FAT4: variants seen among roughly 807,000 people sequenced by gnomAD.
FAT4 encodes FAT atypical cadherin 4, also known as protocadherin Fat 4.
A neutral mutation model predicts 303.9 loss-of-function variants in FAT4; 84 were observed. The observed-to-expected ratio is 0.28, with a 90% CI of 0.23 to 0.33. The LOEUF is 0.33. Among genes scored for constraint, FAT4 ranks in the 10% least tolerant of loss-of-function variants. FAT4 has a pLI of 1.00. For synonymous variants in FAT4, 2,307 were observed against 2,298.8 expected (o/e 1.00, Z -0.10); for missense variants, 6,005 against 6,146.8 (o/e 0.98, Z 0.77).
intron 7 of FAT4, among the ~76,000 whole-genome samples, chr4:125,417,176 G>A (rs1735109884): frequency 6.6e-6 from 1 of 152,006 alleles, no homozygotes; most frequent in South Asian, 2.1e-4. Context: ...ATGAATTGTT[G>A]CCCTATAAGC....
At chr4:125,483,342 G>A (rs1727294202) in intron 16 of FAT4, among the ~76,000 whole-genome samples, 1 of 152,132 alleles carries the variant, frequency 6.6e-6, no homozygotes, top group South Asian at 2.1e-4. Flanking sequence ...ATTTTATATG[G>A]TTTGAGAGGC....
At chr4:125,380,128 G>A (rs1162195344) in intron 2 of FAT4, among the ~76,000 whole-genome samples, 2 of 151,918 alleles carry the variant, frequency 1.3e-5, no homozygotes, top group Non-Finnish European at 2.9e-5. Flanking sequence ...CCCAACATCA[G>A]GTGATCCACC....
At position 125,450,892 on chromosome 4, in the gene FAT4, T is replaced by C. The variant is rs1726038652; in HGVS notation, c.9882T>C (p.Asn3294=). Residue 3294 remains asparagine (N), a synonymous_variant, in exon 10 of 18, where the codon AAT becomes AAC. Transcript: ENST00000394329. The part of the protein sequence containing the change: ...ATVNIQLKGT[N]EYVPRFVSKL... ...TTAATATACAATTAAAAGGGACAAA[T>C]GAATATGTGCCCCGTTTTGTTTCCA... The C allele has an allele frequency of 6.2e-7, 1 of 1,614,098 alleles. No individual in the cohort carries two copies. Among genetic ancestry groups the C allele is most frequent in the East Asian group, 2.2e-5 (1 of 44,860 alleles).
rs1560754491 is a variant in FAT4, at chr4:125,318,866, A to T, written c.2455A>T (p.Thr819Ser). The T allele has an allele frequency of 6.2e-7, 1 of 1,614,136 alleles. No individual in the cohort carries two copies. The highest frequency in any genetic ancestry group is 8.5e-7 in the Non-Finnish European group (1 of 1,180,024). ...GYHVGSVSASTMDLNSNISYL... is the reference protein window; with the variant it reads ...GYHVGSVSASSMDLNSNISYL... ...TCATGTGGGTAGTGTGTCTGCATCC[A>T]CCATGGATCTCAATTCCAACATCAG... The change falls in exon 2 of 18, where the codon ACC (threonine) becomes TCC (serine). Residue 819 changes from threonine (T) to serine (S), a missense_variant. By Grantham distance (58) the Thr-to-Ser change is moderately conservative. Coordinates refer to ENST00000394329, the MANE Select transcript of FAT4 (RefSeq NM_001291303.3).
intron 2 of FAT4, among the ~76,000 whole-genome samples, chr4:125,376,669 A>C (rs2663267): frequency 0.048 from 7,274 of 152,110 alleles, 557 homozygotes; most frequent in African/African-American, 0.16. Context: ...GGAGGCTGAG[A>C]TAGGCGGATC....
Position 125,490,075 on chromosome 4 carries a change from A to G in FAT4, c.13259A>G (p.Gln4420Arg). 2 of 1,614,020 alleles carry G rather than the reference A, an allele frequency of 1.2e-6. No homozygotes were observed. The highest frequency in any genetic ancestry group is 1.7e-6 in the Non-Finnish European group (2 of 1,179,994). ...TGGGGTGATTTGCTGTGCATTAATC[A>G]GTGGTATGCCTACAGGTGTGTCCCT... ...PCWGDLLCIN[Q>R]WYAYRCVPPG... The change falls in exon 18 of 18, where the codon CAG becomes CGG. Residue 4420 changes from glutamine (Q) to arginine (R), a missense_variant. Gln to Arg is a conservative substitution (Grantham distance 43, BLOSUM62 1). Transcript: ENST00000394329.
At chr4:125,377,391 T>C (rs1733373642) in intron 2 of FAT4, among the ~76,000 whole-genome samples, 1 of 152,160 alleles carries the variant, frequency 6.6e-6, no homozygotes, top group Non-Finnish European at 1.5e-5. Context: ...ATGTACAGTT[T>C]CCAACTCTGA....
At chr4:125,424,578 T>G (rs1479562292) in intron 7 of FAT4, among the ~76,000 whole-genome samples, 3 of 152,184 alleles carry the variant, frequency 2.0e-5, no homozygotes, top group Admixed American at 2.0e-4. Flanking sequence ...TATACTTCTA[T>G]GGGCTTATTG....
At chr4:125,405,738 A>T (rs1248385415) in intron 3 of FAT4, among the ~76,000 whole-genome samples, 1 of 151,802 alleles carries the variant, frequency 6.6e-6, no homozygotes, top group African/African-American at 2.4e-5. Context: ...TCCTGACCTC[A>T]TGATCCGCCC....
chr4:125,455,589 A>C (rs1295017750), intron 10 of FAT4, among the ~76,000 whole-genome samples: 3 of 152,186 alleles, frequency 2.0e-5, no homozygotes, highest in Non-Finnish European at 4.4e-5. Flanking sequence ...TCATTAAAAG[A>C]GATTAGACAA....
At chr4:125,437,083 G>A (rs1017905030) in intron 8 of FAT4, among the ~76,000 whole-genome samples, 1 of 152,004 alleles carries the variant, frequency 6.6e-6, no homozygotes, top group African/African-American at 2.4e-5. Flanking sequence ...TCCAACTCCT[G>A]ATCTCAGGTG....
At chr4:125,465,139 CA>C (rs1350705056) in intron 11 of FAT4, among the ~76,000 whole-genome samples, 1 of 152,060 alleles carries the variant, frequency 6.6e-6, no homozygotes. Flanking sequence ...TGCCCAAAGT[CA>C]AAAAATGAAG....
chr4:125,398,526 T>C (rs1056538816), intron 2 of FAT4, among the ~76,000 whole-genome samples: 8 of 152,162 alleles, frequency 5.3e-5, no homozygotes, highest in Non-Finnish European at 1.0e-4. Context: ...AGTGGACCTT[T>C]TCTAGTATAA....
intron 2 of FAT4, among the ~76,000 whole-genome samples, chr4:125,384,536 C>A (rs1364247578): frequency 6.6e-6 from 1 of 151,882 alleles, no homozygotes; most frequent in African/African-American, 2.4e-5. Context: ...TGTATTAGTT[C>A]TTTATATATT....
At chr4:125,379,261 T>TA (rs1733447134) in intron 2 of FAT4, among the ~76,000 whole-genome samples, 1 of 150,568 alleles carries the variant, frequency 6.6e-6, no homozygotes, top group African/African-American at 2.4e-5. Flanking sequence ...TTTTTTTTTT[T>TA]AAAGTAGGAA....
chr4:125,490,480 A>C lies in FAT4; in HGVS notation c.13664A>C (p.Asn4555Thr). ...PKEKKKKGSE[N>T]VAFDDPDNIP... ...GAGAAGAAGAAAAAGGGAAGTGAGA[A>C]CGTTGCTTTTGATGACCCTGACAAT... is the stretch of plus-strand genomic sequence containing the variant. Residue 4555 changes from asparagine (N) to threonine (T), a missense_variant, in exon 18 of 18, where the codon AAC (asparagine) becomes ACC (threonine). Transcript: ENST00000394329. 6.2e-7 allele frequency: 1 copy of C among 1,614,138 alleles called. No homozygotes were observed. The highest frequency in any genetic ancestry group is 8.5e-7 in the Non-Finnish European group (1 of 1,180,012).
intron 17 of FAT4, among the ~76,000 whole-genome samples, chr4:125,487,970 A>G (rs1220285416): frequency 1.3e-5 from 2 of 152,188 alleles, no homozygotes; most frequent in Non-Finnish European, 2.9e-5. Flanking sequence ...CACTCTCTTC[A>G]TAGACCATTA....
chr4:125,409,053 C>T (rs553258347), intron 5 of FAT4, among the ~76,000 whole-genome samples: 8 of 151,888 alleles, frequency 5.3e-5, no homozygotes, highest in East Asian at 3.9e-4. Context: ...AATGTAGGGT[C>T]GTGTTTCAAT....
At chr4:125,344,997 T>A (rs1017788676) in intron 2 of FAT4, among the ~76,000 whole-genome samples, 1 of 152,144 alleles carries the variant, frequency 6.6e-6, no homozygotes, top group Admixed American at 6.6e-5. Flanking sequence ...ACTGTAGTGA[T>A]TGTTATTTGC....
Sources: allele counts gnomAD v4.1 joint callset (sites outside exome capture counted in the v4.1 genomes callset), GRCh38; gene constraint gnomAD v4.1.1; transcripts MANE v1.5; gene names NCBI Gene and HGNC (gene_info 2026-07-23, HGNC 2026-07-21).